Variants in NDST1 observed in about 807,000 individuals in gnomAD.
NDST1 encodes bifunctional heparan sulfate N-deacetylase/N-sulfotransferase 1.
In NDST1, 35 loss-of-function variants were observed where a neutral mutation model predicts 92.8. The ratio of observed to expected loss-of-function variants is 0.38; its 90% confidence interval spans 0.29 to 0.50. The LOEUF (loss-of-function observed/expected upper bound fraction) is 0.50, where lower values mean the gene tolerates loss of function less well. Ranked by LOEUF, NDST1 falls within the 20% of genes least tolerant of loss-of-function variation. NDST1 has a pLI of 0.94. For missense variants in NDST1, 822 were observed against 1,182.7 expected (o/e 0.69, Z 4.47); for synonymous variants, 493 against 500.3 (o/e 0.99, Z 0.19).
intron 10 of NDST1, 127 bp from the exon 11 acceptor site, chr5:150,545,185 T>C (rs1755426299): frequency 1.8e-6 from 2 of 1,104,110 alleles, no homozygotes; most frequent in Middle Eastern, 2.2e-4. Context: ...CCTTGTTTGG[T>C]TGGGAGCAAA....
chr5:150,531,469 G>A (rs150173138), intron 3 of NDST1, among the ~76,000 whole-genome samples: 4 of 151,480 alleles, frequency 2.6e-5, no homozygotes, highest in Admixed American at 1.3e-4. Flanking sequence ...CTGATAGCTG[G>A]CTCTTACAGG....
intron 6 of NDST1, 101 bp from the exon 7 acceptor site, chr5:150,539,127 C>T: frequency 2.0e-6 from 2 of 987,134 alleles, no homozygotes; most frequent in East Asian, 2.4e-5. Flanking sequence ...TGGAGACTGC[C>T]TTTCTGAGGA....
intron 1 of NDST1, among the ~76,000 whole-genome samples, chr5:150,501,774 C>G (rs1468617941): frequency 1.3e-5 from 2 of 152,184 alleles, no homozygotes; most frequent in Non-Finnish European, 2.9e-5. Context: ...AACAGCCCAA[C>G]AAGCTCACTG....
At chr5:150,544,201 A>G (rs770227553) in intron 10 of NDST1, among the ~76,000 whole-genome samples, 22 of 152,210 alleles carry the variant, frequency 1.4e-4, no homozygotes, top group Admixed American at 3.3e-4. Flanking sequence ...CCATATATTT[A>G]GTAACATCTT....
intron 1 of NDST1, among the ~76,000 whole-genome samples, chr5:150,516,004 A>G (rs1398781198): frequency 7.7e-6 from 1 of 129,366 alleles, no homozygotes; most frequent in Non-Finnish European, 1.6e-5. Context: ...CTCTGAGGAC[A>G]GGGGCTACCT....
At chr5:150,537,934 G>C (rs1156967307) in intron 6 of NDST1, among the ~76,000 whole-genome samples, 1 of 152,164 alleles carries the variant, frequency 6.6e-6, no homozygotes. Flanking sequence ...CTGAATATCG[G>C]GGGTTGGTTT....
At position 150,500,668 on chromosome 5, in the gene NDST1, A is replaced by G. The variant is rs78388048; in HGVS notation, c.-388+2429A>G. ...AGTGGGCAAGTGCTGTGCCCCTGGTATCAGGCCCCACAGGGAAAGCCTGGC... is the reference window on the plus strand; with the variant it reads ...AGTGGGCAAGTGCTGTGCCCCTGGTGTCAGGCCCCACAGGGAAAGCCTGGC... On this transcript the variant is annotated intron_variant, in intron 1 of 1. Coordinates refer to the NDST1 transcript ENST00000518299. Among the ~76,000 whole-genome samples, 666 of 152,356 alleles carry G rather than the reference A, an allele frequency of 4.4e-3. 2 individuals are homozygous for G. The highest frequency in any genetic ancestry group is 7.0e-3 in the Non-Finnish European group (478 of 68,028).
intron 1 of NDST1, among the ~76,000 whole-genome samples, chr5:150,516,190 G>A (rs912415630): frequency 1.3e-5 from 2 of 152,224 alleles, no homozygotes; most frequent in African/African-American, 4.8e-5. Context: ...TGTAATAAGT[G>A]TGTGTGGTGC....
In NDST1 at chr5:150,556,978, C is replaced by T. The variant is rs1755883269; in HGVS notation, c.*3646C>T. On this transcript the variant is annotated 3_prime_UTR_variant, in exon 15 of 15. Transcript: ENST00000261797. ...TAGGCCTGCTGTCTTTTTGAAGCCC[C>T]ACATTCTGAATTTGTCAGATTGTTT... 6.6e-6 allele frequency: 1 copy of T among 152,654 alleles called. No homozygotes were observed. 9.5% of individuals were successfully genotyped at this position (152,654 alleles called of 1,614,324 possible).
intron 1 of NDST1, among the ~76,000 whole-genome samples, chr5:150,515,146 G>A (rs575835652): frequency 2.0e-5 from 3 of 152,324 alleles, no homozygotes; most frequent in African/African-American, 7.2e-5. Context: ...CCAGATGAAG[G>A]AAAGAGGTTG....
chr5:150,548,134 G>A (rs565249983), intron 11 of NDST1, 84 bp from the exon 12 acceptor site: 5 of 1,540,272 alleles, frequency 3.2e-6, no homozygotes, highest in Non-Finnish European at 4.4e-6. Flanking sequence ...GGATCTTCTG[G>A]CCACCTTGCG....
chr5:150,503,987 A>G (rs1382250578), upstream of NDST1, among the ~76,000 whole-genome samples: 1 of 152,160 alleles, frequency 6.6e-6, no homozygotes, highest in Non-Finnish European at 1.5e-5. Flanking sequence ...GTGGCAGTCC[A>G]CTGGACACTG....
chr5:150,541,727 C>G (rs1327621247), intron 9 of NDST1, 61 bp downstream of exon 9: 1 of 1,482,260 alleles, frequency 6.7e-7, no homozygotes, highest in Admixed American at 1.7e-5. Flanking sequence ...CCACAGAATT[C>G]TGAGGACTGC....
At chr5:150,501,365 A>G (rs1374876773) in intron 1 of NDST1, among the ~76,000 whole-genome samples, 5 of 152,190 alleles carry the variant, frequency 3.3e-5, no homozygotes, top group African/African-American at 9.7e-5. Flanking sequence ...TGGCAGCCCA[A>G]CTGTCAGGAC....
intron 1 of NDST1, among the ~76,000 whole-genome samples, chr5:150,509,418 A>G (rs1033109399): frequency 1.3e-5 from 2 of 152,136 alleles, no homozygotes; most frequent in African/African-American, 4.8e-5. Flanking sequence ...GGTGCTCACC[A>G]TTGTCCTTTG....
intron 3 of NDST1, 148 bp downstream of exon 3, chr5:150,528,446 C>A: frequency 1.1e-6 from 1 of 915,916 alleles, no homozygotes. Context: ...CCTGTCCTGC[C>A]AGTTGGTTCT....
intron 1 of NDST1, among the ~76,000 whole-genome samples, chr5:150,519,958 A>G (rs2151268009): frequency 6.6e-6 from 1 of 152,068 alleles, no homozygotes; most frequent in Non-Finnish European, 1.5e-5. Flanking sequence ...GCCTGGGTGG[A>G]CAGAAGGTCC....
intron 3 of NDST1, among the ~76,000 whole-genome samples, chr5:150,528,540 C>T (rs1409693331): frequency 6.6e-6 from 1 of 152,018 alleles, no homozygotes; most frequent in Non-Finnish European, 1.5e-5. Flanking sequence ...CCTGTAATCC[C>T]AGCACTTTGG....
intron 1 of NDST1, 98 bp downstream of exon 1, chr5:150,508,324 T>TGA (rs1581340596): frequency 9.6e-6 from 1 of 104,698 alleles, no homozygotes; most frequent in Non-Finnish European, 2.2e-5. Flanking sequence ...TCCATCTGAG[T>TGA]GTGTGTGTGT....
Sources: allele counts gnomAD v4.1 joint callset (sites outside exome capture counted in the v4.1 genomes callset), GRCh38; gene constraint gnomAD v4.1.1; transcripts MANE v1.5; gene names NCBI Gene and HGNC (gene_info 2026-07-23, HGNC 2026-07-21).